KCNIP4: variants seen among roughly 807,000 people sequenced by gnomAD.
The protein encoded by KCNIP4 is Kv channel-interacting protein 4.
KCNIP4 carries 12 observed loss-of-function variants against 34.0 expected under a neutral mutation model. That is an observed-to-expected ratio of 0.35 (90% confidence interval 0.23 to 0.57). The LOEUF is 0.57. KCNIP4 is among the 20% of genes least tolerant of loss of function. KCNIP4 has a pLI of 0.83. For missense variants in KCNIP4, 238 were observed against 311.7 expected, an observed-to-expected ratio of 0.76 and a Z score of 1.78; for synonymous variants, 124 against 102.2, an observed-to-expected ratio of 1.21 and a Z score of -1.29.
At chr4:21,892,069 T>G (rs1361051164) in intron 1 of KCNIP4, among the ~76,000 whole-genome samples, 1 of 152,218 alleles carries the variant, frequency 6.6e-6, no homozygotes, top group East Asian at 1.9e-4. Context: ...AATACGTACA[T>G]GCTTACCAAA....
chr4:20,828,859 G>A (rs574997547), intron 3 of KCNIP4, among the ~76,000 whole-genome samples: 100 of 152,290 alleles, frequency 6.6e-4, no homozygotes, highest in African/African-American at 2.4e-3. Context: ...CTTGGAATAA[G>A]AGAGTACTGA....
intron 1 of KCNIP4, among the ~76,000 whole-genome samples, chr4:21,827,752 A>C (rs1722757009): frequency 6.6e-6 from 1 of 152,032 alleles, no homozygotes; most frequent in Non-Finnish European, 1.5e-5. Context: ...TTTCCTAAGA[A>C]TCCCTAACCA....
At chr4:21,138,980 G>A (rs768508246) in intron 1 of KCNIP4, among the ~76,000 whole-genome samples, 14 of 152,196 alleles carry the variant, frequency 9.2e-5, no homozygotes, top group Non-Finnish European at 1.9e-4. Flanking sequence ...CCTCCAAAAC[G>A]ATAAGGTAAT....
At chr4:20,876,504 C>T (rs917684785) in intron 2 of KCNIP4, among the ~76,000 whole-genome samples, 1 of 152,108 alleles carries the variant, frequency 6.6e-6, no homozygotes, top group African/African-American at 2.4e-5. Flanking sequence ...TAAATAGCTA[C>T]TCAATATCAA....
intron 1 of KCNIP4, among the ~76,000 whole-genome samples, chr4:21,618,718 C>T (rs564879219): frequency 6.7e-6 from 1 of 148,514 alleles, no homozygotes; most frequent in Admixed American, 6.8e-5. Context: ...CTGCAAGCTC[C>T]GCCTCCCGGG....
rs1458440523 is a variant in KCNIP4, at chr4:20,875,095, G to A, written c.163+7513C>T. ...ATTCGTGGATGGTGAAAGGCCCAGAGAGAAGGAAAAAAAAAAAACTCATTC... is the reference window on the plus strand; with the variant it reads ...ATTCGTGGATGGTGAAAGGCCCAGAAAGAAGGAAAAAAAAAAAACTCATTC... On this transcript the variant is annotated intron_variant, in intron 2 of 8. Transcript: ENST00000382152. Among the ~76,000 whole-genome samples, 3 of 150,710 alleles carry A rather than the reference G, an allele frequency of 2.0e-5. No homozygotes were observed. In the East Asian group the frequency reaches 5.8e-4, roughly 29 times the overall value.
chr4:20,796,843 T>G (rs1327743037), intron 3 of KCNIP4, among the ~76,000 whole-genome samples: 2 of 152,210 alleles, frequency 1.3e-5, no homozygotes, highest in Non-Finnish European at 2.9e-5. Context: ...TACTAAACTT[T>G]TTCAATAATT....
At chr4:20,912,946 C>T (rs547932935) in intron 1 of KCNIP4, among the ~76,000 whole-genome samples, 2 of 152,046 alleles carry the variant, frequency 1.3e-5, no homozygotes, top group Non-Finnish European at 2.9e-5. Flanking sequence ...GAAAATGGTG[C>T]GGCCTTTTTT....
intron 1 of KCNIP4, among the ~76,000 whole-genome samples, chr4:21,540,123 C>A (rs1007458900): frequency 1.3e-5 from 2 of 151,936 alleles, no homozygotes; most frequent in African/African-American, 4.8e-5. Flanking sequence ...GGGTCTTAAA[C>A]TTAATTAGGC....
At chr4:20,845,747 G>A (rs1005359853) in intron 3 of KCNIP4, among the ~76,000 whole-genome samples, 4 of 152,166 alleles carry the variant, frequency 2.6e-5, no homozygotes, top group Admixed American at 1.3e-4. Context: ...AGGTGGAAAC[G>A]GACTGCAAGT....
At chr4:20,905,337 G>A (rs926957506) in intron 1 of KCNIP4, among the ~76,000 whole-genome samples, 3 of 151,842 alleles carry the variant, frequency 2.0e-5, no homozygotes, top group Non-Finnish European at 4.4e-5. Flanking sequence ...ACTGAATTAG[G>A]GTTTCACCCT....
intron 2 of KCNIP4, among the ~76,000 whole-genome samples, chr4:20,878,197 G>A (rs1185707342): frequency 2.6e-5 from 4 of 152,122 alleles, no homozygotes; most frequent in Non-Finnish European, 5.9e-5. Context: ...ACCTCAGAAG[G>A]TGGTTGGGAA....
At chr4:20,967,876 A>G (rs957509551) in intron 1 of KCNIP4, among the ~76,000 whole-genome samples, 1 of 152,222 alleles carries the variant, frequency 6.6e-6, no homozygotes, top group African/African-American at 2.4e-5. Flanking sequence ...ATGGGCAAAG[A>G]CTTCATGACT....
chr4:21,139,931 C>T (rs1388476231), intron 1 of KCNIP4, among the ~76,000 whole-genome samples: 1 of 151,842 alleles, frequency 6.6e-6, no homozygotes, highest in Admixed American at 6.6e-5. Context: ...TCTTTTTAAC[C>T]CCAGAGTCCA....
At chr4:20,858,258 A>C (rs1721828655) in intron 2 of KCNIP4, among the ~76,000 whole-genome samples, 1 of 148,110 alleles carries the variant, frequency 6.8e-6, no homozygotes, top group African/African-American at 2.5e-5. Flanking sequence ...AGACACGAGG[A>C]ATGTGGGCTT....
chr4:21,791,854 T>A (rs926305386), intron 1 of KCNIP4, among the ~76,000 whole-genome samples: 1 of 151,718 alleles, frequency 6.6e-6, no homozygotes, highest in South Asian at 2.1e-4. Context: ...ATACAAAAAT[T>A]AGCCAGGTGT....
chr4:21,720,009 GAAGAAGA>G (rs1714681521), intron 1 of KCNIP4, among the ~76,000 whole-genome samples: 1 of 122,742 alleles, frequency 8.1e-6, no homozygotes, highest in African/African-American at 3.6e-5. Flanking sequence ...AGAAAAAGAA[GAAGAAGA>G]AGGAGAAGGA....
chr4:21,948,571 C>T lies in KCNIP4; in HGVS notation c.61G>A (p.Gly21Ser), dbSNP rs1730634394. 1 of 1,612,982 alleles carries T rather than the reference C, an allele frequency of 6.2e-7. No homozygotes were observed. The highest frequency in any genetic ancestry group is 1.3e-5 in the African/African-American group (1 of 74,838). Residue 21 changes from glycine (G) to serine (S), a missense_variant and splice_region_variant, in exon 1 of 9, where the codon GGT becomes AGT. Physicochemically the swap from Gly to Ser is moderately conservative, Grantham distance 56 (BLOSUM62 0). Transcript: ENST00000382152. ...CGCTCGCAAGCTTATTGCATCCTAC[C>T]GCCTGTAGAGCTGGCCTCCTCCAGC... ...AQLEEASSTG[G>S]FLYAQNSTKR...
At chr4:20,914,714 C>T (rs543976043) in intron 1 of KCNIP4, among the ~76,000 whole-genome samples, 4 of 152,212 alleles carry the variant, frequency 2.6e-5, no homozygotes, top group Non-Finnish European at 5.9e-5. Flanking sequence ...CGTGCCTCTT[C>T]AGGCTCAGCA....
Sources: allele counts gnomAD v4.1 joint callset (sites outside exome capture counted in the v4.1 genomes callset), GRCh38; gene constraint gnomAD v4.1.1; transcripts MANE v1.5; gene names NCBI Gene and HGNC (gene_info 2026-07-23, HGNC 2026-07-21).